The following PKD1L3 variants were observed in gnomAD, a reference collection of about 807,000 sequenced individuals.
PKD1L3 encodes polycystin 1 like 3, transient receptor potential channel interacting, also known as polycystin-1-like protein 3.
Under a neutral mutation model 184.1 loss-of-function variants are expected in PKD1L3, and 239 were observed. The observed-to-expected ratio is 1.30, with a 90% CI of 1.17 to 1.45. The LOEUF (loss-of-function observed/expected upper bound fraction) is 1.45, where lower values mean the gene tolerates loss of function less well. Ranked by LOEUF, PKD1L3 falls within the 40% of genes most tolerant of loss-of-function variation. The probability of loss-of-function intolerance (pLI) is 0.00; values close to 1 mark genes in which losing one functional copy is unlikely to be tolerated. For missense variants in PKD1L3, 2,660 were observed against 2,067.2 expected (o/e 1.29, Z -5.56); for synonymous variants, 996 against 778.8 (o/e 1.28, Z -4.64).
chr16:71,986,320 C>G lies in PKD1L3; in HGVS notation c.735G>C (p.Gly245=). ...LTMPVSVTHA[G]QSLAETTSSP... ...TTGAAGTTGTTTCTGCCAGAGATTG[C>G]CCAGCATGCGTGACAGACACGGGCA... Residue 245 remains glycine (G), a synonymous_variant, in exon 5 of 30, where the codon GGG becomes GGC. Transcript: ENST00000620267. 1 of 1,552,092 alleles carries G rather than the reference C, an allele frequency of 6.4e-7. No homozygotes were observed.
intron 24 of PKD1L3, among the ~76,000 whole-genome samples, 191 bp downstream of exon 24, chr16:71,942,369 T>A (rs2038390454): frequency 6.6e-6 from 1 of 152,042 alleles, no homozygotes; most frequent in Admixed American, 6.6e-5. Context: ...AAAGAAATTA[T>A]ATACAGATAA....
At chr16:71,958,170 G>C (rs1439235875) in intron 16 of PKD1L3, among the ~76,000 whole-genome samples, 1 of 149,886 alleles carries the variant, frequency 6.7e-6, no homozygotes, top group East Asian at 2.0e-4. Context: ...GGCGGATCAC[G>C]AGGTCAGGAG....
chr16:71,953,651 T>A (rs2038935125), intron 17 of PKD1L3, among the ~76,000 whole-genome samples: 1 of 151,968 alleles, frequency 6.6e-6, no homozygotes. Flanking sequence ...TGGAGTGCAG[T>A]GGTGCAATCT....
intron 2 of PKD1L3, among the ~76,000 whole-genome samples, chr16:71,995,955 G>T (rs1028227302): frequency 2.6e-5 from 4 of 152,110 alleles, no homozygotes; most frequent in Non-Finnish European, 5.9e-5. Context: ...GTGGGAAAGG[G>T]TATCTCAGTT....
rs749798847 is a variant in PKD1L3 at position 71,979,841 on chromosome 16, G to T, written c.1343C>A (p.Pro448Gln). The T allele has an allele frequency of 1.3e-6, 2 of 1,518,910 alleles. No homozygotes were observed. The highest frequency in any genetic ancestry group is 2.6e-5 in the Admixed American group (1 of 38,140). The allele number at this position is 1,518,910 out of a possible 1,614,324, so 94.1% of individuals were successfully genotyped here. A position where few individuals can be genotyped will look rare whatever the true frequency, so the allele number is the denominator to read the frequency against. ...GHPAPVRLGF[P>Q]SALALKELLN... ...GAGCTCCTTCAAAGCTAAAGCCGAC[G>T]GAAAGCCTAGCCTCACAGGGGCTGG... The change falls in exon 9 of 30, where the codon CCG becomes CAG. Residue 448 changes from proline (P) to glutamine (Q), a missense_variant. By Grantham distance (76) the Pro-to-Gln change is moderately conservative. Coordinates refer to ENST00000620267, the MANE Select transcript of PKD1L3 (RefSeq NM_181536.2).
At chr16:71,949,235 T>C (rs551844778) in intron 21 of PKD1L3, among the ~76,000 whole-genome samples, 12 of 152,288 alleles carry the variant, frequency 7.9e-5, no homozygotes, top group Non-Finnish European at 1.6e-4. Flanking sequence ...CTTTGGGTTG[T>C]TGATTTGTTA....
At chr16:71,961,255 T>G (rs938981674) in intron 16 of PKD1L3, among the ~76,000 whole-genome samples, 3 of 152,128 alleles carry the variant, frequency 2.0e-5, no homozygotes, top group African/African-American at 7.2e-5. Context: ...CCCCAGTAGC[T>G]GGGACTACAG....
intron 8 of PKD1L3, 42 bp downstream of exon 8, chr16:71,979,965 A>G (rs1265285710): frequency 3.9e-6 from 6 of 1,549,816 alleles, no homozygotes; most frequent in Non-Finnish European, 4.4e-6. Context: ...TCTGAAAGTG[A>G]AAAACACAGT....
At chr16:71,955,647 C>T (rs2039016985) in intron 16 of PKD1L3, among the ~76,000 whole-genome samples, 1 of 151,980 alleles carries the variant, frequency 6.6e-6, no homozygotes, top group Non-Finnish European at 1.5e-5. Context: ...CCTAATAGGG[C>T]TTAGCTGTAT....
chr16:71,962,996 T>A (rs926667127), intron 16 of PKD1L3, among the ~76,000 whole-genome samples: 4 of 152,256 alleles, frequency 2.6e-5, no homozygotes, highest in Admixed American at 6.5e-5. Context: ...GCAATATTTA[T>A]AATTTTTATA....
Position 71,942,898 on chromosome 16 carries a change from T to C in PKD1L3, c.3986A>G (p.Gln1329Arg). Residue 1329 changes from glutamine (Q) to arginine (R), a missense_variant, in exon 24 of 30, where the codon CAG becomes CGG. Transcript: ENST00000620267. ...ATGATTGGCCCAGGGGTAGAAATCCTGAAGAAGTTTGATTTCCGAGAACTG... is the reference window on the plus strand; with the variant it reads ...ATGATTGGCCCAGGGGTAGAAATCCCGAAGAAGTTTGATTTCCGAGAACTG... ...SHQFSEIKLL[Q>R]DFYPWANHIL... The C allele has an allele frequency of 6.4e-7, 1 of 1,551,562 alleles. No homozygotes were observed. The highest frequency in any genetic ancestry group is 8.7e-7 in the Non-Finnish European group (1 of 1,146,864).
At chr16:71,991,843 A>G (rs2040602618) in intron 3 of PKD1L3, among the ~76,000 whole-genome samples, 2 of 152,354 alleles carry the variant, frequency 1.3e-5, no homozygotes, top group South Asian at 4.1e-4. Flanking sequence ...AAGCAATCTG[A>G]TAGAGATTTT....
chr16:71,942,290 G>A (rs1157265591), intron 24 of PKD1L3, among the ~76,000 whole-genome samples: 2 of 152,152 alleles, frequency 1.3e-5, no homozygotes, highest in Non-Finnish European at 2.9e-5. Flanking sequence ...CCAAGATGGT[G>A]CCACTGCACT....
chr16:71,995,677 C>T (rs564460616), intron 2 of PKD1L3, among the ~76,000 whole-genome samples: 88 of 152,300 alleles, frequency 5.8e-4, no homozygotes, highest in African/African-American at 2.1e-3. Flanking sequence ...TTTTCTATCA[C>T]AGAGAGCTAC....
Position 71,944,148 on chromosome 16 carries a change from T to C in PKD1L3, c.3741A>G (p.Pro1247=), listed in dbSNP as rs546295822. 1.1e-5 allele frequency: 17 copies of C among 1,550,474 alleles called. No homozygotes were observed. In the African/African-American group the frequency reaches 1.4e-4, roughly 12 times the overall value. The part of the protein sequence containing the change: ...ALLAKCSSSV[P]GSRDKNNPVY... ...CGGGGTTGTTCTTATCTCTTGAACC[T>C]GGTACTGACGAAGAACATTTTGCTG... The change falls in exon 23 of 30, where the codon CCA becomes CCG. Residue 1247 remains proline, a synonymous_variant. Coordinates refer to ENST00000620267, the MANE Select transcript of PKD1L3 (RefSeq NM_181536.2).
At chr16:71,996,992 G>C (rs1236711933) in intron 2 of PKD1L3, among the ~76,000 whole-genome samples, 5 of 147,488 alleles carry the variant, frequency 3.4e-5, no homozygotes, top group Non-Finnish European at 7.4e-5. Context: ...TAGAAAGCGA[G>C]GTTATCACCT....
chr16:71,937,983 C>G (rs544105979), intron 24 of PKD1L3, among the ~76,000 whole-genome samples: 1 of 152,304 alleles, frequency 6.6e-6, no homozygotes, highest in South Asian at 2.1e-4. Context: ...GGAGGCATGG[C>G]CGGGGCTTTG....
At chr16:71,939,148 T>C (rs889422102) in intron 24 of PKD1L3, among the ~76,000 whole-genome samples, 3 of 152,254 alleles carry the variant, frequency 2.0e-5, no homozygotes, top group African/African-American at 7.2e-5. Flanking sequence ...GCAGTACATC[T>C]GGTCCAGCTT....
intron 7 of PKD1L3, among the ~76,000 whole-genome samples, chr16:71,981,541 T>C (rs1299414019): frequency 2.1e-4 from 2 of 9,478 alleles, no homozygotes; most frequent in Non-Finnish European, 5.4e-4. Flanking sequence ...AATTCTTTTT[T>C]TTTTTTTTTT....
Sources: gnomAD v4.1 joint callset for allele counts (sites outside exome capture counted in the v4.1 genomes callset) on GRCh38, gnomAD v4.1.1 for gene constraint, MANE v1.5 for transcripts, NCBI Gene and HGNC (gene_info 2026-07-23, HGNC 2026-07-21) for gene names.